The following MTHFS variants were observed in gnomAD, a reference collection of about 807,000 sequenced individuals.
The protein encoded by MTHFS is methenyltetrahydrofolate synthetase.
Under a neutral mutation model 12.7 loss-of-function variants are expected in MTHFS, and 7 were observed. The ratio of observed to expected loss-of-function variants is 0.55; its 90% confidence interval spans 0.31 to 1.03. MTHFS has a LOEUF of 1.03. MTHFS is among the 50% of genes least tolerant of loss of function. MTHFS has a pLI of 0.05. For missense variants in MTHFS, 252 were observed against 258.1 expected, an observed-to-expected ratio of 0.98 and a Z score of 0.16; for synonymous variants, 100 against 97.1, an observed-to-expected ratio of 1.03 and a Z score of -0.18.
intron 2 of MTHFS, among the ~76,000 whole-genome samples, chr15:79,858,079 G>T (rs1220759988): frequency 7.0e-6 from 1 of 143,384 alleles, no homozygotes; most frequent in Non-Finnish European, 1.5e-5. Flanking sequence ...TACAGGAAAA[G>T]AGCAGAAAAA....
intron 1 of MTHFS, among the ~76,000 whole-genome samples, chr15:79,894,392 A>G (rs1439312008): frequency 1.3e-5 from 2 of 152,178 alleles, no homozygotes; most frequent in Non-Finnish European, 2.9e-5. Flanking sequence ...AAAAAAAAAG[A>G]AAATATTAAA....
intron 2 of MTHFS, among the ~76,000 whole-genome samples, chr15:79,887,032 C>T (rs2034394587): frequency 1.3e-5 from 2 of 152,100 alleles, no homozygotes; most frequent in Non-Finnish European, 2.9e-5. Context: ...GTCAGGAGTT[C>T]GAGATCAGCC....
At chr15:79,868,598 C>T (rs1416712407) in intron 2 of MTHFS, among the ~76,000 whole-genome samples, 2 of 152,138 alleles carry the variant, frequency 1.3e-5, no homozygotes, top group African/African-American at 2.4e-5. Context: ...GTGGACAGCC[C>T]ATCTCAATGC....
Position 79,845,380 on chromosome 15 carries a change from T to A in MTHFS, c.442A>T (p.Arg148Trp), listed in dbSNP as rs766105635. ...GFDKHGNRLG[R>W]GKGYYDAYLK... ...TAGGCATCATAGTAGCCCTTGCCCC[T>A]CCCCAGTCGGTTGCCATGTTTGTCA... Residue 148 changes from arginine (R) to tryptophan (W), a missense_variant, in exon 3 of 3, where the codon AGG becomes TGG. Physicochemically the swap from Arg to Trp is moderately radical, Grantham distance 101 (BLOSUM62 -3). Transcript: ENST00000258874. 6.2e-7 allele frequency: 1 copy of A among 1,614,062 alleles called. No homozygotes were observed. Among genetic ancestry groups the A allele is most frequent in the East Asian group, 2.2e-5 (1 of 44,874 alleles).
chr15:79,863,293 C>T (rs187866416), intron 2 of MTHFS, among the ~76,000 whole-genome samples: 327 of 152,328 alleles, frequency 2.1e-3, no homozygotes, highest in Non-Finnish European at 3.8e-3. Context: ...AGCCTGTCCT[C>T]CTTATTTCTG....
intron 2 of MTHFS, among the ~76,000 whole-genome samples, chr15:79,862,975 A>G (rs1486550844): frequency 6.6e-6 from 1 of 152,170 alleles, no homozygotes; most frequent in Non-Finnish European, 1.5e-5. Flanking sequence ...ATATCCAACT[A>G]GCCATCTACC....
chr15:79,870,902 G>A (rs1443272118), intron 2 of MTHFS, among the ~76,000 whole-genome samples: 1 of 152,200 alleles, frequency 6.6e-6, no homozygotes, highest in Non-Finnish European at 1.5e-5. Context: ...CAGCACTTTG[G>A]GAGGCCAAAG....
chr15:79,866,027 G>A (rs370616861), intron 2 of MTHFS, among the ~76,000 whole-genome samples: 28 of 148,734 alleles, frequency 1.9e-4, no homozygotes, highest in African/African-American at 6.6e-4. Context: ...AACAGTCACT[G>A]CAGTTTGAAA....
At chr15:79,860,672 A>C (rs1467247853) in intron 2 of MTHFS, among the ~76,000 whole-genome samples, 1 of 1,164 alleles carries the variant, frequency 8.6e-4, no homozygotes, top group African/African-American at 4.0e-3. Flanking sequence ...ATTAAAATTT[A>C]AGGATTTTTT....
intron 2 of MTHFS, among the ~76,000 whole-genome samples, chr15:79,869,040 T>A (rs190326446): frequency 6.6e-6 from 1 of 151,984 alleles, no homozygotes; most frequent in Non-Finnish European, 1.5e-5. Flanking sequence ...ATACAGTACT[T>A]TGGGGTACTG....
At chr15:79,882,809 T>C (rs745816816) in intron 2 of MTHFS, among the ~76,000 whole-genome samples, 3 of 152,238 alleles carry the variant, frequency 2.0e-5, no homozygotes, top group Non-Finnish European at 2.9e-5. Flanking sequence ...CACAACTCTA[T>C]GGCTTCCCCA....
At chr15:79,864,445 T>C (rs1156275161) in intron 2 of MTHFS, among the ~76,000 whole-genome samples, 1 of 147,402 alleles carries the variant, frequency 6.8e-6, no homozygotes, top group East Asian at 2.0e-4. Flanking sequence ...CTCAGGAGGC[T>C]GAGGCAGGAG....
chr15:79,856,435 G>C (rs2033803846), intron 2 of MTHFS, among the ~76,000 whole-genome samples: 1 of 152,096 alleles, frequency 6.6e-6, no homozygotes, highest in South Asian at 2.1e-4. Flanking sequence ...AAAGCTTAGT[G>C]ACTCTGAGAA....
intron 2 of MTHFS, 137 bp downstream of exon 2, chr15:79,888,956 G>A: frequency 7.5e-7 from 1 of 1,326,588 alleles, no homozygotes; most frequent in South Asian, 1.6e-5. Flanking sequence ...AGGTAATACA[G>A]GTGTCTTGGA....
intron 2 of MTHFS, among the ~76,000 whole-genome samples, chr15:79,864,222 TA>T (rs2033966087): frequency 6.6e-6 from 1 of 152,150 alleles, no homozygotes; most frequent in Admixed American, 6.6e-5. Flanking sequence ...TAGCTACTAA[TA>T]ATTTACCCAT....
intron 2 of MTHFS, among the ~76,000 whole-genome samples, chr15:79,857,036 C>T (rs1242205111): frequency 6.6e-6 from 1 of 151,062 alleles, no homozygotes; most frequent in Non-Finnish European, 1.5e-5. Context: ...GCTCTTGTTG[C>T]CCAGGCTGGA....
Position 79,890,999 on chromosome 15 carries a change from T to C in MTHFS, c.118-1645A>G, listed in dbSNP as rs537620626. 2.0e-5 allele frequency among the ~76,000 whole-genome samples: 3 copies of C among 152,302 alleles called. No individual in the cohort carries two copies. In the East Asian group the frequency reaches 5.8e-4, roughly 29 times the overall value. ...TCAGTTAACACTCAATGTGAGACTG[T>C]GCATGCATATTTATCTTCCTTCCTC... is the stretch of plus-strand genomic sequence containing the variant. On this transcript the variant is annotated intron_variant, in intron 1 of 2. Coordinates refer to ENST00000258874, the MANE Select transcript of MTHFS (RefSeq NM_006441.4).
At chr15:79,891,013 TCTTC>T (rs2034464116) in intron 1 of MTHFS, among the ~76,000 whole-genome samples, 1 of 152,248 alleles carries the variant, frequency 6.6e-6, no homozygotes, top group Admixed American at 6.5e-5. Context: ...TGCATATTTA[TCTTC>T]CTTCCTCAAA....
chr15:79,887,712 C>T (rs975762187), intron 2 of MTHFS, among the ~76,000 whole-genome samples: 9 of 152,156 alleles, frequency 5.9e-5, no homozygotes, highest in Admixed American at 1.3e-4. Context: ...TCTGTATTCC[C>T]TTATTATCTC....
Sources: gnomAD v4.1 joint callset for allele counts (sites outside exome capture counted in the v4.1 genomes callset) on GRCh38, gnomAD v4.1.1 for gene constraint, MANE v1.5 for transcripts, NCBI Gene and HGNC (gene_info 2026-07-23, HGNC 2026-07-21) for gene names.